ART3: variants seen among roughly 807,000 people sequenced by gnomAD.
ART3 encodes ecto-ADP-ribosyltransferase 3.
ART3 carries 49 observed loss-of-function variants against 48.5 expected under a neutral mutation model. The ratio of observed to expected loss-of-function variants is 1.01; its 90% confidence interval spans 0.80 to 1.28. The LOEUF is 1.28. Among genes scored for constraint, ART3 ranks in the 50% most tolerant of loss-of-function variants. The pLI, the probability that ART3 is intolerant of heterozygous loss-of-function variation, is 0.00. For synonymous variants in ART3, 145 were observed against 157.2 expected (o/e 0.92, Z 0.58); for missense variants, 438 against 454.3 (o/e 0.96, Z 0.33).
chr4:76,049,537 G>A lies in ART3; in HGVS notation c.-9-26344G>A, dbSNP rs765215202. Among the ~76,000 whole-genome samples the A allele has an allele frequency of 1.2e-3, 182 of 152,042 alleles. 5 individuals carry two copies. The highest frequency in any genetic ancestry group is 1.4e-3 in the Non-Finnish European group (94 of 67,922). ...CGGTCCCAACTCCAAAGAGTCAGGG[G>A]TTGTTAGAGAGCCCTTTCCCAGACA... On this transcript the variant is annotated intron_variant, in intron 1 of 9. Coordinates refer to the ART3 transcript ENST00000341029.
intron 1 of ART3, among the ~76,000 whole-genome samples, chr4:76,063,686 C>T (rs906947237): frequency 1.3e-5 from 2 of 152,088 alleles, no homozygotes; most frequent in African/African-American, 4.8e-5. Flanking sequence ...GACAGAGACT[C>T]GGAGAACATA....
chr4:76,086,862 C>G (rs967464174), intron 3 of ART3, among the ~76,000 whole-genome samples: 5 of 152,152 alleles, frequency 3.3e-5, no homozygotes, highest in African/African-American at 7.2e-5. Context: ...TCCTGCTCCC[C>G]CTATGTGACA....
intron 1 of ART3, chr4:76,035,901 G>T (rs750416577): frequency 6.2e-7 from 1 of 1,601,180 alleles, no homozygotes; most frequent in East Asian, 2.2e-5. Flanking sequence ...GAACTTATAG[G>T]TTGAGAAATA....
intron 1 of ART3, among the ~76,000 whole-genome samples, chr4:76,061,663 G>A (rs562024899): frequency 1.3e-5 from 2 of 152,204 alleles, no homozygotes; most frequent in South Asian, 4.1e-4. Context: ...AACTCTTTGT[G>A]TTCCATAAAA....
chr4:76,059,795 T>C lies in ART3; in HGVS notation c.-9-16086T>C, dbSNP rs903453312. Among the ~76,000 whole-genome samples, 147 of 152,200 alleles carry C rather than the reference T, an allele frequency of 9.7e-4. 1 individual carries two copies. The highest frequency in any genetic ancestry group is 2.9e-4 in the Non-Finnish European group (20 of 68,016). ...TAAGAGAAAAAGCAGGCAAACTTTATAAACACAAGTTGGAGAACTATCAAG... is the reference window on the plus strand; with the variant it reads ...TAAGAGAAAAAGCAGGCAAACTTTACAAACACAAGTTGGAGAACTATCAAG... On this transcript the variant is annotated intron_variant, in intron 1 of 9. Transcript: ENST00000341029.
At chr4:76,059,399 A>G (rs1328924042) in intron 1 of ART3, among the ~76,000 whole-genome samples, 1 of 137,680 alleles carries the variant, frequency 7.3e-6, no homozygotes, top group African/African-American at 2.7e-5. Flanking sequence ...CTTTATTTGC[A>G]TCTCCAGTCC....
At chr4:76,090,923 TC>T (rs1724741093) in intron 3 of ART3, among the ~76,000 whole-genome samples, 1 of 152,162 alleles carries the variant, frequency 6.6e-6, no homozygotes, top group Non-Finnish European at 1.5e-5. Context: ...TGTTTCCCAG[TC>T]CCCCCAGGCA....
intron 11 of ART3, among the ~76,000 whole-genome samples, chr4:76,109,804 C>T (rs1376251830): frequency 2.0e-5 from 3 of 152,142 alleles, no homozygotes; most frequent in African/African-American, 7.2e-5. Context: ...TGCATGTGTG[C>T]ATCTGCCTAT....
In ART3 at chr4:76,100,779, T is replaced by G. The variant is rs188451465; in HGVS notation, c.878-16T>G. The G allele has an allele frequency of 5.9e-5, 95 of 1,610,278 alleles. No homozygotes were observed. In the East Asian group the frequency reaches 1.0e-3, roughly 18 times the overall value. Reference sequence around the variant, plus strand: ...GTTCCTTCGTTAAAACTGATGAGCTTCTTTTTGTGACTCAGGTGAGAAAAA... The same window carrying G: ...GTTCCTTCGTTAAAACTGATGAGCTGCTTTTTGTGACTCAGGTGAGAAAAA... On this transcript the variant is annotated splice_polypyrimidine_tract_variant and intron_variant, in intron 6 of 11. Transcript: ENST00000355810.
At chr4:76,046,895 G>A (rs1380980610) in intron 1 of ART3, among the ~76,000 whole-genome samples, 1 of 151,988 alleles carries the variant, frequency 6.6e-6, no homozygotes, top group East Asian at 1.9e-4. Flanking sequence ...TCCAGGACAG[G>A]AGATTAACCC....
chr4:76,043,531 G>A (rs1372156065), intron 1 of ART3, among the ~76,000 whole-genome samples: 1 of 152,130 alleles, frequency 6.6e-6, no homozygotes, highest in East Asian at 1.9e-4. Context: ...TGGCCTGGGT[G>A]CTAAGCCCCT....
At chr4:76,057,589 A>C (rs1718812843) in intron 1 of ART3, among the ~76,000 whole-genome samples, 1 of 152,136 alleles carries the variant, frequency 6.6e-6, no homozygotes, top group Non-Finnish European at 1.5e-5. Context: ...GCATCTATTA[A>C]CTCTGGCTCT....
At chr4:76,014,756 G>C (rs1297490070) in intron 1 of ART3, among the ~76,000 whole-genome samples, 1 of 152,122 alleles carries the variant, frequency 6.6e-6, no homozygotes, top group East Asian at 1.9e-4. Flanking sequence ...ATACCTAATA[G>C]TCAAACTGCT....
At chr4:76,102,355 C>T (rs1051058587) in intron 8 of ART3, among the ~76,000 whole-genome samples, 2 of 152,138 alleles carry the variant, frequency 1.3e-5, no homozygotes, top group Admixed American at 6.5e-5. Context: ...GTTCAGACAA[C>T]TTAGTTTAGA....
chr4:76,064,196 A>G (rs1719491991), intron 1 of ART3, among the ~76,000 whole-genome samples: 1 of 152,208 alleles, frequency 6.6e-6, no homozygotes. Flanking sequence ...AAGCAATAGA[A>G]TTGGAAATAG....
At chr4:76,064,855 A>G (rs1024728330) in intron 1 of ART3, among the ~76,000 whole-genome samples, 2 of 148,912 alleles carry the variant, frequency 1.3e-5, no homozygotes, top group African/African-American at 2.5e-5. Flanking sequence ...TTTTTGAGAC[A>G]GGGTCTCACT....
chr4:76,013,905 C>T (rs1732026079), intron 1 of ART3, among the ~76,000 whole-genome samples: 1 of 152,156 alleles, frequency 6.6e-6, no homozygotes, highest in South Asian at 2.1e-4. Context: ...TTAACATCTG[C>T]ATTTCCTACC....
intron 1 of ART3, among the ~76,000 whole-genome samples, chr4:76,049,586 C>T (rs6829896): frequency 0.59 from 89,615 of 151,520 alleles, 27,639 homozygotes; most frequent in East Asian, 0.94. Flanking sequence ...GTCTTTAGTC[C>T]GGCAGCCTCA....
intron 1 of ART3, among the ~76,000 whole-genome samples, chr4:76,057,503 T>C (rs1159736809): frequency 4.6e-5 from 7 of 152,232 alleles, no homozygotes; most frequent in Admixed American, 6.5e-5. Flanking sequence ...AAATCTAATA[T>C]TAACTCAAAA....
Sources: gnomAD v4.1 joint callset for allele counts (sites outside exome capture counted in the v4.1 genomes callset) on GRCh38, gnomAD v4.1.1 for gene constraint, MANE v1.5 for transcripts, NCBI Gene and HGNC (gene_info 2026-07-23, HGNC 2026-07-21) for gene names.